CNTNAP5: variants seen among roughly 807,000 people sequenced by gnomAD.
CNTNAP5 encodes contactin associated protein family member 5.
Under a neutral mutation model 150.2 loss-of-function variants are expected in CNTNAP5, and 72 were observed. The ratio of observed to expected loss-of-function variants is 0.48; its 90% CI spans 0.40 to 0.58. The LOEUF (loss-of-function observed/expected upper bound fraction) is 0.58, where lower values mean the gene tolerates loss of function less well. CNTNAP5 is among the 20% of genes least tolerant of loss of function. CNTNAP5 has a pLI of 0.00. For missense variants in CNTNAP5, 1,636 were observed against 1,626.2 expected, an observed-to-expected ratio of 1.01 and a Z score of -0.10; for synonymous variants, 672 against 619.8, an observed-to-expected ratio of 1.08 and a Z score of -1.25.
chr2:124,475,106 A>ATT (rs59623436), intron 7 of CNTNAP5, among the ~76,000 whole-genome samples: 2 of 145,906 alleles, frequency 1.4e-5, no homozygotes, highest in African/African-American at 5.0e-5. Flanking sequence ...CAGAGAATTC[A>ATT]TTTTTTTTTT....
At chr2:124,629,337 A>G (rs1677797224) in intron 12 of CNTNAP5, among the ~76,000 whole-genome samples, 1 of 152,216 alleles carries the variant, frequency 6.6e-6, no homozygotes, top group Non-Finnish European at 1.5e-5. Flanking sequence ...CAAATGAAGA[A>G]CAACTGAAAT....
At chr2:124,580,789 C>G (rs972512028) in intron 11 of CNTNAP5, among the ~76,000 whole-genome samples, 1 of 152,166 alleles carries the variant, frequency 6.6e-6, no homozygotes, top group Non-Finnish European at 1.5e-5. Flanking sequence ...AGGACAAAAC[C>G]TATGCATATG....
At chr2:124,185,812 T>C (rs1195760315) in intron 1 of CNTNAP5, among the ~76,000 whole-genome samples, 1 of 152,210 alleles carries the variant, frequency 6.6e-6, no homozygotes, top group Non-Finnish European at 1.5e-5. Flanking sequence ...TCAGCTTCTT[T>C]GCTTCCCAGG....
At position 124,335,809 on chromosome 2, in the gene CNTNAP5, T is replaced by C. The variant is rs140103359; in HGVS notation, c.382-81634T>C. On this transcript the variant is annotated intron_variant, in intron 3 of 23. Coordinates refer to ENST00000682447, the MANE Select transcript of CNTNAP5 (RefSeq NM_001367498.1). ...TGTAGTTTCAAGTGGATCACGATGA[T>C]TGTGGTATACTGCCAACTATGCCGG... is the stretch of plus-strand genomic sequence containing the variant. 4.5e-3 allele frequency among the ~76,000 whole-genome samples: 689 copies of C among 152,074 alleles called. 4 individuals carry two copies. Among genetic ancestry groups the C allele is most frequent in the Non-Finnish European group, 7.8e-3 (532 of 67,982 alleles).
chr2:124,092,856 C>T (rs968580745), intron 1 of CNTNAP5, among the ~76,000 whole-genome samples: 3 of 152,114 alleles, frequency 2.0e-5, no homozygotes, highest in Admixed American at 2.0e-4. Flanking sequence ...ATAATAAATA[C>T]ATGATAAAAA....
chr2:124,409,955 C>T (rs1316156521), intron 3 of CNTNAP5, among the ~76,000 whole-genome samples: 1 of 150,444 alleles, frequency 6.6e-6, no homozygotes, highest in Non-Finnish European at 1.5e-5. Context: ...GAGTCAAGAG[C>T]TGTATTCAGT....
At chr2:124,084,931 T>TTTTTTTTTTG in intron 1 of CNTNAP5, among the ~76,000 whole-genome samples, 1 of 133,780 alleles carries the variant, frequency 7.5e-6, no homozygotes, top group Admixed American at 7.6e-5. Flanking sequence ...CCTGTTTTTT[T>TTTTTTTTTTG]TTTTTTTTGA....
chr2:124,198,347 T>C (rs2104705177), intron 1 of CNTNAP5, among the ~76,000 whole-genome samples: 1 of 152,328 alleles, frequency 6.6e-6, no homozygotes, highest in Middle Eastern at 3.4e-3. Flanking sequence ...GCCTAGATTT[T>C]TACTCCCTTC....
intron 1 of CNTNAP5, among the ~76,000 whole-genome samples, chr2:124,106,070 C>CAGAT (rs1683164918): frequency 6.6e-6 from 1 of 151,904 alleles, no homozygotes; most frequent in South Asian, 2.1e-4. Flanking sequence ...TGTATTTCTC[C>CAGAT]AGATACTGCT....
At chr2:124,658,093 A>G (rs1440878297) in intron 13 of CNTNAP5, among the ~76,000 whole-genome samples, 2 of 152,174 alleles carry the variant, frequency 1.3e-5, no homozygotes, top group Non-Finnish European at 2.9e-5. Flanking sequence ...TAGTTGTTGA[A>G]TGAATAAAGG....
At chr2:124,852,455 T>C (rs544841975) in intron 19 of CNTNAP5, among the ~76,000 whole-genome samples, 8 of 152,236 alleles carry the variant, frequency 5.3e-5, no homozygotes, top group Non-Finnish European at 1.0e-4. Context: ...AGGTCAGTAG[T>C]AGTTGGAGCT....
intron 2 of CNTNAP5, among the ~76,000 whole-genome samples, chr2:124,225,196 G>A (rs1304801965): frequency 1.3e-5 from 2 of 152,048 alleles, no homozygotes; most frequent in African/African-American, 4.8e-5. Flanking sequence ...CCACTATATT[G>A]AGAACTTCCC....
chr2:124,497,052 G>C (rs77052708), intron 7 of CNTNAP5, among the ~76,000 whole-genome samples: 2,059 of 152,288 alleles, frequency 0.014, 23 homozygotes, highest in Non-Finnish European at 0.022. Context: ...TTGAAGCAGT[G>C]GTGACAGCCT....
chr2:124,268,964 A>C (rs1254746707), intron 3 of CNTNAP5, among the ~76,000 whole-genome samples: 1 of 152,052 alleles, frequency 6.6e-6, no homozygotes, highest in African/African-American at 2.4e-5. Context: ...GCCTGCCAGG[A>C]CCCCTAAGTG....
At chr2:124,827,855 T>G (rs950335221) in intron 19 of CNTNAP5, among the ~76,000 whole-genome samples, 1 of 152,202 alleles carries the variant, frequency 6.6e-6, no homozygotes, top group Non-Finnish European at 1.5e-5. Context: ...TTTCTGTGTT[T>G]TCTTCCCCCA....
chr2:124,582,102 T>C (rs1204302466), intron 11 of CNTNAP5, among the ~76,000 whole-genome samples: 1 of 152,202 alleles, frequency 6.6e-6, no homozygotes, highest in Non-Finnish European at 1.5e-5. Context: ...CAAATGGAAG[T>C]TGCTGTGTAA....
intron 19 of CNTNAP5, among the ~76,000 whole-genome samples, chr2:124,826,726 G>T (rs963554408): frequency 6.6e-6 from 1 of 151,994 alleles, no homozygotes; most frequent in South Asian, 2.1e-4. Context: ...CCCTCTAGGT[G>T]ATCCTCCTAT....
chr2:124,772,679 A>G, intron 16 of CNTNAP5, 120 bp from the exon 17 acceptor site: 1 of 697,356 alleles, frequency 1.4e-6, no homozygotes, highest in Non-Finnish European at 2.6e-6. Flanking sequence ...TGCTGCAGGG[A>G]TTTCAAAAGA....
chr2:124,794,254 A>G (rs1681797171), intron 18 of CNTNAP5, among the ~76,000 whole-genome samples: 1 of 152,186 alleles, frequency 6.6e-6, no homozygotes, highest in African/African-American at 2.4e-5. Flanking sequence ...GTTCTGGTTC[A>G]TCTACAGTCC....
Sources: allele counts gnomAD v4.1 joint callset (sites outside exome capture counted in the v4.1 genomes callset), GRCh38; gene constraint gnomAD v4.1.1; transcripts MANE v1.5; gene names NCBI Gene and HGNC (gene_info 2026-07-23, HGNC 2026-07-21).